Variants in PRKACB observed in about 807,000 individuals in gnomAD.
The protein encoded by PRKACB is cAMP-dependent protein kinase catalytic subunit beta.
In PRKACB, 16 loss-of-function variants were observed where a neutral mutation model predicts 51.4. The ratio of observed to expected loss-of-function variants is 0.31; its 90% confidence interval spans 0.21 to 0.47. The LOEUF (loss-of-function observed/expected upper bound fraction) is 0.47. Among genes scored for constraint, PRKACB ranks in the 20% least tolerant of loss-of-function variants. The pLI, the probability that PRKACB is intolerant of heterozygous loss-of-function variation, is 1.00. For synonymous variants in PRKACB, 147 were observed against 154.4 expected (o/e 0.95, Z 0.35); for missense variants, 309 against 464.5 (o/e 0.67, Z 3.08).
intron 9 of PRKACB, among the ~76,000 whole-genome samples, chr1:84,230,884 A>G (rs1319681532): frequency 7.0e-6 from 1 of 143,184 alleles, no homozygotes; most frequent in East Asian, 2.3e-4. Flanking sequence ...AACAGGGACA[A>G]TTTGACTTCC....
upstream of PRKACB, among the ~76,000 whole-genome samples, chr1:84,139,449 A>G (rs1420142370): frequency 1.3e-5 from 2 of 152,212 alleles, no homozygotes; most frequent in African/African-American, 4.8e-5. Context: ...CCCATCTAAT[A>G]AAACATTTTT....
In PRKACB at chr1:84,195,321, C is replaced by T. The variant is rs1196564698; in HGVS notation, c.561-1295C>T. Among the ~76,000 whole-genome samples the T allele has an allele frequency of 2.0e-5, 3 of 152,090 alleles. No individual in the cohort carries two copies. In the East Asian group the frequency reaches 5.8e-4, roughly 29 times the overall value. ...ATTCTTTCAACAAATATTTACTGAG[C>T]ACTTGGGAAATGCAGTGACAAGCAA... On this transcript the variant is annotated intron_variant, in intron 5 of 9. Transcript: ENST00000370685.
chr1:84,199,818 T>C (rs1449971435), intron 7 of PRKACB, among the ~76,000 whole-genome samples: 5 of 149,368 alleles, frequency 3.3e-5, no homozygotes, highest in African/African-American at 1.2e-4. Flanking sequence ...GCATCTGTTA[T>C]TTTTTGACTA....
At chr1:84,195,594 C>T (rs1667977627) in intron 5 of PRKACB, among the ~76,000 whole-genome samples, 1 of 152,094 alleles carries the variant, frequency 6.6e-6, no homozygotes, top group African/African-American at 2.4e-5. Flanking sequence ...ATCAAAATTA[C>T]ACTGATCTAT....
At chr1:84,098,858 T>G (rs1181460370) in intron 1 of PRKACB, among the ~76,000 whole-genome samples, 2 of 151,966 alleles carry the variant, frequency 1.3e-5, no homozygotes, top group Non-Finnish European at 2.9e-5. Flanking sequence ...GCTTTGGAAT[T>G]TGTGCATTTT....
intron 1 of PRKACB, among the ~76,000 whole-genome samples, chr1:84,090,927 A>G (rs1204941551): frequency 6.6e-6 from 1 of 152,172 alleles, no homozygotes; most frequent in Non-Finnish European, 1.5e-5. Flanking sequence ...ATTACTTTGG[A>G]TCCCAACCCC....
At chr1:84,218,405 C>T (rs1673183570) in intron 9 of PRKACB, among the ~76,000 whole-genome samples, 1 of 152,196 alleles carries the variant, frequency 6.6e-6, no homozygotes, top group Non-Finnish European at 1.5e-5. Flanking sequence ...TAAGTAAGAA[C>T]ATGTGATATT....
chr1:84,141,951 A>G (rs1258736318), upstream of PRKACB, among the ~76,000 whole-genome samples: 1 of 151,426 alleles, frequency 6.6e-6, no homozygotes, highest in Non-Finnish European at 1.5e-5. Flanking sequence ...TTAGTAACAA[A>G]TAGAAAAAAG....
intron 1 of PRKACB, among the ~76,000 whole-genome samples, chr1:84,122,546 A>G (rs992106224): frequency 1.3e-5 from 2 of 152,218 alleles, no homozygotes; most frequent in Admixed American, 1.3e-4. Context: ...CCAGCTCAAT[A>G]TAAGAACAAC....
At chr1:84,120,867 C>A (rs924072639) in intron 1 of PRKACB, among the ~76,000 whole-genome samples, 2 of 152,012 alleles carry the variant, frequency 1.3e-5, no homozygotes, top group Admixed American at 1.3e-4. Context: ...TTCTGGTTCC[C>A]AGATACTTGT....
At chr1:84,187,368 C>T (rs1665448831) in intron 5 of PRKACB, among the ~76,000 whole-genome samples, 1 of 152,048 alleles carries the variant, frequency 6.6e-6, no homozygotes, top group Admixed American at 6.6e-5. Flanking sequence ...AAAAAGCAGG[C>T]ATTAAGAGGG....
intron 9 of PRKACB, among the ~76,000 whole-genome samples, chr1:84,223,378 G>GT (rs57372046): frequency 1.5e-4 from 3 of 19,384 alleles, no homozygotes; most frequent in Middle Eastern, 0.029. Flanking sequence ...TTGTTTTTTT[G>GT]TTTTTTTTGA....
At chr1:84,197,867 C>A in intron 7 of PRKACB, 43 bp downstream of exon 7, 2 of 1,363,138 alleles carry the variant, frequency 1.5e-6, no homozygotes, top group Admixed American at 1.8e-5. Context: ...AAATATGAGA[C>A]ATGCATCCCT....
At chr1:84,128,161 A>G (rs1651820541) in intron 1 of PRKACB, among the ~76,000 whole-genome samples, 1 of 151,020 alleles carries the variant, frequency 6.6e-6, no homozygotes, top group Non-Finnish European at 1.5e-5. Flanking sequence ...GGCGCCCACC[A>G]CCACGCCCAG....
In PRKACB at chr1:84,235,305, A is replaced by G; in HGVS notation, c.1197A>G (p.Ter399=). Residue 399 remains the stop codon, a stop_retained_variant, in exon 10 of 10, where the codon TAA becomes TAG. Transcript: ENST00000370685. ...GTGCAAAAGAATTTGGTGAATTTTA[A>G]AGAGGAACAAGATGACATCTGAGCT... ...EKCAKEFGEF[*] is the part of the protein sequence containing the mutation. 1 of 1,614,080 alleles carries G rather than the reference A, an allele frequency of 6.2e-7. No homozygotes were observed. The highest frequency in any genetic ancestry group is 8.5e-7 in the Non-Finnish European group (1 of 1,179,960).
At chr1:84,205,699 G>T (rs1671231916) in intron 8 of PRKACB, among the ~76,000 whole-genome samples, 1 of 151,888 alleles carries the variant, frequency 6.6e-6, no homozygotes, top group Non-Finnish European at 1.5e-5. Flanking sequence ...ATATTAGATT[G>T]TAAAATACTT....
intron 1 of PRKACB, among the ~76,000 whole-genome samples, chr1:84,159,749 T>C (rs1343808739): frequency 6.6e-6 from 1 of 152,132 alleles, no homozygotes; most frequent in African/African-American, 2.4e-5. Flanking sequence ...CTTTATCAGT[T>C]TGAGGAAGTT....
chr1:84,111,287 C>T (rs1650209017), intron 1 of PRKACB, among the ~76,000 whole-genome samples: 1 of 152,020 alleles, frequency 6.6e-6, no homozygotes, highest in Non-Finnish European at 1.5e-5. Context: ...GACTTCAACA[C>T]CCAAAATTTT....
At chr1:84,155,198 T>TA (rs1445824067) in intron 1 of PRKACB, among the ~76,000 whole-genome samples, 1 of 152,078 alleles carries the variant, frequency 6.6e-6, no homozygotes, top group Non-Finnish European at 1.5e-5. Context: ...CATAAAAAAT[T>TA]AAAATGCATA....
Sources: gnomAD v4.1 joint callset for allele counts (sites outside exome capture counted in the v4.1 genomes callset) on GRCh38, gnomAD v4.1.1 for gene constraint, MANE v1.5 for transcripts, NCBI Gene and HGNC (gene_info 2026-07-23, HGNC 2026-07-21) for gene names.